The following COL18A1 variants were observed in gnomAD, a reference collection of about 807,000 sequenced individuals.
COL18A1 encodes the protein collagen alpha-1(XVIII) chain.
COL18A1 carries 133 observed loss-of-function variants against 168.0 expected under a neutral mutation model. The ratio of observed to expected loss-of-function variants is 0.79; its 90% CI spans 0.69 to 0.91. The LOEUF (loss-of-function observed/expected upper bound fraction) is 0.91, where lower values mean the gene tolerates loss of function less well. Among genes scored for constraint, COL18A1 ranks in the 40% least tolerant of loss-of-function variants. The pLI is 0.00. For missense variants in COL18A1, 2,126 were observed against 1,925.4 expected, an observed-to-expected ratio of 1.10 and a Z score of -1.95; for synonymous variants, 949 against 809.0, an observed-to-expected ratio of 1.17 and a Z score of -2.94.
chr21:45,456,017 G>A (rs751226499), intron 2 of COL18A1: 2 of 1,612,486 alleles, frequency 1.2e-6, no homozygotes, highest in Non-Finnish European at 1.7e-6. Flanking sequence ...CACCCCCCAG[G>A]AGAATGGGAC....
chr21:45,458,425 G>A (rs1478324434), intron 2 of COL18A1, among the ~76,000 whole-genome samples: 1 of 152,012 alleles, frequency 6.6e-6, no homozygotes, highest in Non-Finnish European at 1.5e-5. Flanking sequence ...CTGTGCCCGC[G>A]AATGTTGGCA....
At chr21:45,441,772 C>T (rs2034376217) in intron 2 of COL18A1, among the ~76,000 whole-genome samples, 1 of 152,262 alleles carries the variant, frequency 6.6e-6, no homozygotes, top group Non-Finnish European at 1.5e-5. Context: ...AGACGCCCAC[C>T]TCTGATATGC....
At chr21:45,465,153 T>C (rs1602447739) in intron 2 of COL18A1, among the ~76,000 whole-genome samples, 1 of 152,244 alleles carries the variant, frequency 6.6e-6, no homozygotes, top group African/African-American at 2.4e-5. Context: ...TTTCTGCTTC[T>C]CTGTATAACA....
Position 45,423,493 on chromosome 21 carries a change from C to CCCCCT in COL18A1, c.106+18020_106+18021insCCCCT, listed in dbSNP as rs2033689251. ...CACACACAGCTGGGCGCCCGCCCCC[C>CCCCCT]GCCCCCCGCCCCCCGGAGGGCCCGG... On this transcript the variant is annotated intron_variant, in intron 2 of 41. Transcript: ENST00000651438. The surrounding 1 kb of genome is among the most constrained non-coding windows in gnomAD (Gnocchi z 4.0). Among the ~76,000 whole-genome samples, 21 of 150,448 alleles carry CCCCCT rather than the reference C, an allele frequency of 1.4e-4. 1 individual carries two copies. In the South Asian group the frequency reaches 4.5e-3, roughly 32 times the overall value.
At chr21:45,501,873 A>C (rs76316747) in intron 32 of COL18A1, among the ~76,000 whole-genome samples, 5 of 35,356 alleles carry the variant, frequency 1.4e-4, no homozygotes, top group South Asian at 1.3e-3. Context: ...AGGGGCTTCA[A>C]AGCCGGTCAC....
chr21:45,508,771 G>A (rs1350860396), intron 38 of COL18A1, among the ~76,000 whole-genome samples: 3 of 152,112 alleles, frequency 2.0e-5, no homozygotes, highest in Non-Finnish European at 4.4e-5. Context: ...CCTGTGTGCC[G>A]GGTGGCCATG....
At position 45,508,407 on chromosome 21, in the gene COL18A1, G is replaced by C. The variant is rs574117597; in HGVS notation, c.3249+814G>C. Among the ~76,000 whole-genome samples the C allele has an allele frequency of 3.5e-5, 5 of 143,056 alleles. No homozygotes were observed. The South Asian group carries it at 1.1e-3, about 32-fold the overall frequency. The allele number at this position is 143,056 out of a possible 152,430, so 93.9% of individuals were successfully genotyped here. A position where few individuals can be genotyped will look rare whatever the true frequency, so the allele number is the denominator to read the frequency against. ...TGGGCAGATGGATGGTGGATAGGTA[G>C]ATGAGTGGATGAATGGGTGGATGGA... is the stretch of plus-strand genomic sequence containing the variant. On this transcript the variant is annotated intron_variant, in intron 38 of 41. Transcript: ENST00000651438.
intron 2 of COL18A1, among the ~76,000 whole-genome samples, chr21:45,413,413 C>T (rs2033355313): frequency 1.3e-5 from 2 of 152,236 alleles, no homozygotes; most frequent in South Asian, 4.1e-4. Context: ...CCTCCACTTG[C>T]TGGATTTGTG....
chr21:45,431,569 A>AGGGGAGGGGGGCAGGCAGGACCC (rs2033964877), intron 2 of COL18A1, among the ~76,000 whole-genome samples: 3 of 124,106 alleles, frequency 2.4e-5, no homozygotes, highest in Admixed American at 9.0e-5. Flanking sequence ...AGGCAGGACC[A>AGGGGAGGGGGGCAGGCAGGACCC]GGCGGCCCTG....
chr21:45,508,187 ATGG>A (rs1238095911), intron 38 of COL18A1, among the ~76,000 whole-genome samples: 1 of 145,952 alleles, frequency 6.9e-6, no homozygotes, highest in Non-Finnish European at 1.5e-5. Context: ...AGATGGATGG[ATGG>A]TGGACAGGTG....
In COL18A1 at chr21:45,492,494, G is replaced by A. The variant is rs371609732; in HGVS notation, c.2158-41G>A. ...GCTCGAGTCCAGTTGAATTTTAAACGCGGCTCTTTGTTTCCGATTTTTCCT... is the reference window on the plus strand; with the variant it reads ...GCTCGAGTCCAGTTGAATTTTAAACACGGCTCTTTGTTTCCGATTTTTCCT... On this transcript the variant is annotated intron_variant, in intron 22 of 41. Coordinates refer to ENST00000651438, the MANE Select transcript of COL18A1 (RefSeq NM_001379500.1). 68 of 1,612,864 alleles carry A rather than the reference G, an allele frequency of 4.2e-5. No homozygotes were observed. The African/African-American group carries it at 4.4e-4, about 10-fold the overall frequency.
chr21:45,467,556 G>T (rs930017074), intron 2 of COL18A1: 1 of 591,026 alleles, frequency 1.7e-6, no homozygotes, highest in African/African-American at 2.0e-5. Context: ...GACCGACAGC[G>T]CTGGGTGAAA....
At chr21:45,488,383 G>A (rs1192848371) in intron 17 of COL18A1, 35 bp from the exon 18 acceptor site, 1 of 1,613,628 alleles carries the variant, frequency 6.2e-7, no homozygotes, top group Non-Finnish European at 8.5e-7. Flanking sequence ...AGGGCCTCCA[G>A]CTGCACTAAC....
Position 45,476,207 on chromosome 21 carries a change from G to A in COL18A1, c.799-144G>A, listed in dbSNP as rs1006549305. On this transcript the variant is annotated intron_variant, in intron 5 of 41. Coordinates refer to ENST00000651438, the MANE Select transcript of COL18A1 (RefSeq NM_001379500.1). ...CGGCCCACGGAAGGAAGCCCCTCGC[G>A]CACGGCCCTGGAGCACCCTCCTGTT... 12 of 1,240,964 alleles carry A rather than the reference G, an allele frequency of 9.7e-6. No homozygotes were observed. The East Asian group carries it at 1.3e-4, about 13-fold the overall frequency. The allele number at this position is 1,240,964 out of a possible 1,614,324, so 76.9% of individuals were successfully genotyped here.
intron 2 of COL18A1, among the ~76,000 whole-genome samples, chr21:45,427,204 T>A (rs1247056582): frequency 2.6e-5 from 4 of 152,200 alleles, no homozygotes; most frequent in Non-Finnish European, 5.9e-5. Flanking sequence ...GTTCTCCGTG[T>A]GGGTGCCATA....
intron 2 of COL18A1, among the ~76,000 whole-genome samples, chr21:45,440,861 G>C (rs1248760039): frequency 5.9e-5 from 9 of 152,204 alleles, no homozygotes. Flanking sequence ...GGCAGGGTGA[G>C]GTTTCCCAGC....
At chr21:45,492,799 G>A (rs1450912645) in intron 24 of COL18A1, 86 bp downstream of exon 24, 1 of 1,066,874 alleles carries the variant, frequency 9.4e-7, no homozygotes, top group Non-Finnish European at 1.4e-6. Flanking sequence ...GTCGAGCTGG[G>A]GTGGGCCTTG....
chr21:45,484,916 A>G (rs150074111), intron 15 of COL18A1, among the ~76,000 whole-genome samples: 123 of 152,354 alleles, frequency 8.1e-4, no homozygotes, highest in African/African-American at 2.5e-3. Flanking sequence ...AATGTCAAGT[A>G]ACATGAATGA....
chr21:45,444,163 C>G (rs1337714168), intron 2 of COL18A1, among the ~76,000 whole-genome samples: 1 of 152,220 alleles, frequency 6.6e-6, no homozygotes, highest in Non-Finnish European at 1.5e-5. Flanking sequence ...GTGACACATT[C>G]GCTCCATGGT....
Sources: allele counts gnomAD v4.1 joint callset (sites outside exome capture counted in the v4.1 genomes callset), GRCh38; gene constraint gnomAD v4.1.1; non-coding constraint Gnocchi (gnomAD v3.1); transcripts MANE v1.5; gene names NCBI Gene and HGNC (gene_info 2026-07-23, HGNC 2026-07-21).